EEFSEC: variants seen among roughly 807,000 people sequenced by gnomAD.
The protein encoded by EEFSEC is eukaryotic elongation factor, selenocysteine-tRNA specific.
In EEFSEC, 43 loss-of-function variants were observed where a neutral mutation model predicts 42.1. That is an observed-to-expected ratio of 1.02 (90% confidence interval 0.80 to 1.32). The LOEUF is 1.32. Ranked by LOEUF, EEFSEC falls within the 40% of genes most tolerant of loss-of-function variation. The pLI, the probability that EEFSEC is intolerant of heterozygous loss-of-function variation, is 0.00. For synonymous variants in EEFSEC, 354 were observed against 339.1 expected (o/e 1.04, Z -0.48); for missense variants, 745 against 803.6 (o/e 0.93, Z 0.88).
At chr3:128,393,122 A>C in intron 6 of EEFSEC, among the ~76,000 whole-genome samples, 1 of 152,218 alleles carries the variant, frequency 6.6e-6, no homozygotes, top group Non-Finnish European at 1.5e-5. Context: ...AAAACAAAGA[A>C]GAAGCTTTCT....
intron 4 of EEFSEC, among the ~76,000 whole-genome samples, chr3:128,265,176 A>G (rs981341219): frequency 6.6e-6 from 1 of 152,202 alleles, no homozygotes; most frequent in Admixed American, 6.5e-5. Context: ...GGTGGCAAGT[A>G]TGTGTGGAGT....
At chr3:128,284,181 G>C (rs1404682002) in intron 4 of EEFSEC, among the ~76,000 whole-genome samples, 1 of 152,206 alleles carries the variant, frequency 6.6e-6, no homozygotes, top group Non-Finnish European at 1.5e-5. Context: ...CTATAGTCAT[G>C]AAGCTGACTG....
intron 1 of EEFSEC, among the ~76,000 whole-genome samples, chr3:128,167,386 G>A (rs1259951072): frequency 6.6e-6 from 1 of 152,192 alleles, no homozygotes; most frequent in Non-Finnish European, 1.5e-5. Flanking sequence ...ATATCGGAAT[G>A]AATGAATGAA....
intron 6 of EEFSEC, among the ~76,000 whole-genome samples, chr3:128,395,698 C>T (rs965961743): frequency 6.6e-6 from 1 of 152,202 alleles, no homozygotes; most frequent in African/African-American, 2.4e-5. Flanking sequence ...CACAGCCCAG[C>T]ACACCCAGGC....
chr3:128,357,940 G>A (rs994580244), intron 5 of EEFSEC, among the ~76,000 whole-genome samples: 8 of 152,116 alleles, frequency 5.3e-5, no homozygotes, highest in Non-Finnish European at 1.2e-4. Flanking sequence ...AGCTGCTGTG[G>A]GGACTGAGGT....
rs150797485 is a variant in EEFSEC at position 128,265,666 on chromosome 3, A to G, written c.786+885A>G. ...AGCCCTGTGGACTCAGCTAGCTGCT[A>G]GAGAGGCTTGGATGTGCATGATTTC... On this transcript the variant is annotated intron_variant, in intron 4 of 6. Transcript: ENST00000254730. 2.5e-3 allele frequency among the ~76,000 whole-genome samples: 384 copies of G among 152,266 alleles called. 3 individuals carry two copies. Among genetic ancestry groups the G allele is most frequent in the African/African-American group, 8.8e-3 (367 of 41,546 alleles).
chr3:128,229,562 C>T (rs1488415274), intron 1 of EEFSEC, among the ~76,000 whole-genome samples: 1 of 152,182 alleles, frequency 6.6e-6, no homozygotes, highest in Non-Finnish European at 1.5e-5. Context: ...TAGTTACAGG[C>T]CTAAAAGGCT....
rs1190074824 is a variant in EEFSEC, at chr3:128,393,241, AG to A, written c.1601-14827del. ...TTCACAGACAAGGAGGCTGAAGTTC[AG>A]TGCACCACCCCCCAGGCACCTGCAG... On this transcript the variant is annotated intron_variant, in intron 6 of 6. Coordinates refer to ENST00000254730, the MANE Select transcript of EEFSEC (RefSeq NM_021937.5). Among the ~76,000 whole-genome samples the A allele has an allele frequency of 8.5e-5, 13 of 152,328 alleles. No homozygotes were observed. In the East Asian group the frequency reaches 2.5e-3, roughly 29 times the overall value.
At chr3:128,201,152 A>G (rs774359524) in intron 1 of EEFSEC, among the ~76,000 whole-genome samples, 7 of 152,124 alleles carry the variant, frequency 4.6e-5, no homozygotes, top group Non-Finnish European at 1.0e-4. Flanking sequence ...TACTAATTCC[A>G]TTTTCCTTCA....
intron 5 of EEFSEC, among the ~76,000 whole-genome samples, chr3:128,350,813 C>T (rs533563013): frequency 6.6e-6 from 1 of 152,168 alleles, no homozygotes; most frequent in Admixed American, 6.5e-5. Context: ...GCTGGTCAGG[C>T]GTTGATGAGA....
At chr3:128,350,646 T>C (rs2067373908) in intron 5 of EEFSEC, among the ~76,000 whole-genome samples, 1 of 152,216 alleles carries the variant, frequency 6.6e-6, no homozygotes, top group Non-Finnish European at 1.5e-5. Flanking sequence ...TCACCTTCCT[T>C]TGAAAATTGC....
intron 1 of EEFSEC, among the ~76,000 whole-genome samples, chr3:128,165,176 A>G (rs550492108): frequency 1.3e-5 from 2 of 152,220 alleles, no homozygotes; most frequent in Admixed American, 6.5e-5. Flanking sequence ...TTCCATCTAC[A>G]TTGCTCAGCT....
intron 4 of EEFSEC, among the ~76,000 whole-genome samples, chr3:128,306,140 G>A (rs1301173554): frequency 6.6e-6 from 1 of 152,088 alleles, no homozygotes; most frequent in African/African-American, 2.4e-5. Flanking sequence ...TGTCATGTCA[G>A]CTGTTTGGAG....
intron 5 of EEFSEC, among the ~76,000 whole-genome samples, chr3:128,353,668 C>T (rs1457557579): frequency 6.6e-6 from 1 of 152,250 alleles, no homozygotes; most frequent in Non-Finnish European, 1.5e-5. Context: ...CGTCTGGGCT[C>T]ATTTGCTGCT....
At chr3:128,359,518 C>G (rs1248826036) in intron 6 of EEFSEC, among the ~76,000 whole-genome samples, 3 of 152,144 alleles carry the variant, frequency 2.0e-5, no homozygotes, top group Non-Finnish European at 4.4e-5. Flanking sequence ...ATAGCTGGGA[C>G]TCAGTTGTGT....
intron 1 of EEFSEC, among the ~76,000 whole-genome samples, chr3:128,167,562 C>T (rs935744648): frequency 6.6e-6 from 1 of 152,222 alleles, no homozygotes; most frequent in Non-Finnish European, 1.5e-5. Flanking sequence ...GGCCACTTTG[C>T]GTAGCAAAGT....
chr3:128,259,608 T>C (rs2066277686), intron 2 of EEFSEC, among the ~76,000 whole-genome samples: 1 of 152,202 alleles, frequency 6.6e-6, no homozygotes, highest in Non-Finnish European at 1.5e-5. Context: ...AACATTTTCA[T>C]TACCCCAACA....
At chr3:128,382,677 G>A (rs2067791315) in intron 6 of EEFSEC, among the ~76,000 whole-genome samples, 1 of 152,010 alleles carries the variant, frequency 6.6e-6, no homozygotes, top group African/African-American at 2.4e-5. Context: ...TATTGTTTTG[G>A]CAAAAGGAGC....
chr3:128,269,153 C>T (rs935902970), intron 4 of EEFSEC, among the ~76,000 whole-genome samples: 3 of 152,168 alleles, frequency 2.0e-5, no homozygotes, highest in South Asian at 2.1e-4. Context: ...AACCTAGACC[C>T]GGGAAACTTA....
Sources: allele counts gnomAD v4.1 joint callset (sites outside exome capture counted in the v4.1 genomes callset), GRCh38; gene constraint gnomAD v4.1.1; transcripts MANE v1.5; gene names NCBI Gene and HGNC (gene_info 2026-07-23, HGNC 2026-07-21).